KIFAP3: variants seen among roughly 807,000 people sequenced by gnomAD.
KIFAP3 encodes the protein kinesin-associated protein 3.
In KIFAP3, 68 loss-of-function variants were observed where a neutral mutation model predicts 106.5. The observed-to-expected ratio is 0.64, with a 90% confidence interval of 0.53 to 0.78. The LOEUF (loss-of-function observed/expected upper bound fraction) is 0.78. Ranked by LOEUF, KIFAP3 falls within the 30% of genes least tolerant of loss-of-function variation. The probability of loss-of-function intolerance (pLI) is 0.00; values close to 1 mark genes in which losing one functional copy is unlikely to be tolerated. For synonymous variants in KIFAP3, 320 were observed against 311.5 expected (o/e 1.03, Z -0.29); for missense variants, 780 against 941.8 (o/e 0.83, Z 2.25).
intron 2 of KIFAP3, among the ~76,000 whole-genome samples, chr1:170,049,772 C>T (rs953588110): frequency 6.6e-6 from 1 of 151,788 alleles, no homozygotes; most frequent in South Asian, 2.1e-4. Flanking sequence ...AAAACTAACA[C>T]ACAGAGAGCA....
upstream of KIFAP3, among the ~76,000 whole-genome samples, chr1:170,076,959 G>A (rs1012487308): frequency 1.3e-5 from 2 of 152,208 alleles, no homozygotes; most frequent in African/African-American, 4.8e-5. Context: ...CTTCTGGGTC[G>A]GGTGGGGACT....
In KIFAP3 at chr1:170,079,751, C is replaced by T. The variant is rs188486285; in HGVS notation, n.174+5284G>A. 2.2e-3 allele frequency among the ~76,000 whole-genome samples: 336 copies of T among 150,294 alleles called. 2 individuals carry two copies. The highest frequency in any genetic ancestry group is 7.8e-3 in the African/African-American group (318 of 40,990). ...AAGATCATTTTGGCTTTTTGGAGTT[C>T]TTTGTGGTTCCATATGGACTTCAGG... On this transcript the variant is annotated intron_variant and non_coding_transcript_variant, in intron 1 of 5. Transcript: ENST00000490550.
rs970309599 is a variant in KIFAP3 at position 169,963,597 on chromosome 1, G to C, written c.1984-2362C>G. Among the ~76,000 whole-genome samples, 10 of 151,994 alleles carry C rather than the reference G, an allele frequency of 6.6e-5. No individual in the cohort carries two copies. In the East Asian group the frequency reaches 1.7e-3, roughly 27 times the overall value. ...AACCTCTGCCTCCTGGGTTAAAGTG[G>C]TTCTTGTGCCTCAGCCTCCAGAATA... On this transcript the variant is annotated intron_variant, in intron 17 of 19. Transcript: ENST00000361580.
chr1:169,991,481 C>A (rs543869164), intron 11 of KIFAP3, among the ~76,000 whole-genome samples: 9 of 151,898 alleles, frequency 5.9e-5, no homozygotes, highest in Admixed American at 5.3e-4. Flanking sequence ...AAAGAAATAA[C>A]GAACCACTGC....
At position 169,945,595 on chromosome 1, in the gene KIFAP3, T is replaced by C. The variant is rs1262806219; in HGVS notation, c.2273+8416A>G. 3.9e-5 allele frequency among the ~76,000 whole-genome samples: 6 copies of C among 152,344 alleles called. No homozygotes were observed. In the South Asian group the frequency reaches 1.2e-3, roughly 32 times the overall value. ...TTTTATTTGGGAGCATCTTTGGGCT[T>C]TCTATACAGCTAATGTGCATGCCTT... is the stretch of plus-strand genomic sequence containing the variant. On this transcript the variant is annotated intron_variant, in intron 19 of 19. Coordinates refer to ENST00000361580, the MANE Select transcript of KIFAP3 (RefSeq NM_014970.4).
chr1:170,059,406 C>T (rs988995894), intron 1 of KIFAP3, among the ~76,000 whole-genome samples: 1 of 152,164 alleles, frequency 6.6e-6, no homozygotes, highest in Non-Finnish European at 1.5e-5. Flanking sequence ...ACTAGAAAAT[C>T]TAGAAGAAAT....
intron 12 of KIFAP3, 21 bp downstream of exon 12, chr1:169,984,561 C>A: frequency 7.9e-7 from 1 of 1,264,378 alleles, no homozygotes; most frequent in Non-Finnish European, 1.1e-6. Flanking sequence ...AAAAAAGTTA[C>A]CTACACTCAA....
intron 19 of KIFAP3, among the ~76,000 whole-genome samples, chr1:169,947,686 A>T (rs1446546137): frequency 6.6e-6 from 1 of 151,888 alleles, no homozygotes; most frequent in African/African-American, 2.4e-5. Flanking sequence ...TTGAGCAAAT[A>T]TTCTTAACCA....
intron 8 of KIFAP3, among the ~76,000 whole-genome samples, chr1:170,031,311 A>G (rs145650004): frequency 4.7e-4 from 72 of 151,834 alleles, no homozygotes; most frequent in Middle Eastern, 6.8e-3. Flanking sequence ...TCCATGTACA[A>G]AGTTAGTCAA....
intron 1 of KIFAP3, among the ~76,000 whole-genome samples, chr1:170,066,966 T>C (rs1671476478): frequency 6.6e-6 from 1 of 152,170 alleles, no homozygotes; most frequent in South Asian, 2.1e-4. Flanking sequence ...TATATTCCTA[T>C]ATATGATACT....
intron 1 of KIFAP3, among the ~76,000 whole-genome samples, chr1:170,056,949 T>G (rs1366180462): frequency 6.6e-6 from 1 of 152,060 alleles, no homozygotes; most frequent in African/African-American, 2.4e-5. Context: ...ATGGTACAGA[T>G]TCCAAAAGGT....
intron 1 of KIFAP3, among the ~76,000 whole-genome samples, chr1:170,059,024 G>A (rs1670995993): frequency 6.6e-6 from 1 of 152,174 alleles, no homozygotes; most frequent in South Asian, 2.1e-4. Flanking sequence ...AAAGCAGCAT[G>A]TAGAGGGAAA....
chr1:170,037,664 G>T (rs1306160926), intron 5 of KIFAP3, among the ~76,000 whole-genome samples: 1 of 152,160 alleles, frequency 6.6e-6, no homozygotes, highest in Admixed American at 6.5e-5. Flanking sequence ...ATGAACCCGG[G>T]AGGCGGAGGT....
At chr1:170,076,545 CAG>C (rs1234859854), upstream of KIFAP3, among the ~76,000 whole-genome samples, 2 of 151,884 alleles carry the variant, frequency 1.3e-5, no homozygotes, top group Non-Finnish European at 2.9e-5. Flanking sequence ...CATAGAAAAA[CAG>C]GGAAAAAAGA....
intron 18 of KIFAP3, among the ~76,000 whole-genome samples, chr1:169,956,610 CTTTTTTTTTTT>C (rs1163823729): frequency 2.6e-5 from 3 of 117,448 alleles, no homozygotes; most frequent in African/African-American, 9.8e-5. Context: ...CACTGAAGTT[CTTTTTTTTTTT>C]TTTTTTTTTT....
At chr1:170,036,555 A>C (rs767687077) in intron 5 of KIFAP3, among the ~76,000 whole-genome samples, 8 of 152,146 alleles carry the variant, frequency 5.3e-5, no homozygotes, top group Non-Finnish European at 1.0e-4. Context: ...GGAGTCACAT[A>C]AATAGGTTGA....
rs142103960 is a variant in KIFAP3, at chr1:170,029,755, C to G, written c.841+2131G>C. Reference sequence around the variant, plus strand: ...TCCATAAGCTATGGTAATGAAGACACTGTGCTATTGGCATCAAAAACACAC... The same window carrying G: ...TCCATAAGCTATGGTAATGAAGACAGTGTGCTATTGGCATCAAAAACACAC... On this transcript the variant is annotated intron_variant, in intron 8 of 19. Coordinates refer to ENST00000361580, the MANE Select transcript of KIFAP3 (RefSeq NM_014970.4). 5.0e-3 allele frequency among the ~76,000 whole-genome samples: 759 copies of G among 152,050 alleles called. 3 individuals carry two copies. Among genetic ancestry groups the G allele is most frequent in the African/African-American group, 0.017 (715 of 41,534 alleles).
intron 19 of KIFAP3, among the ~76,000 whole-genome samples, chr1:169,938,856 C>A (rs488488): frequency 0.97 from 148,121 of 152,324 alleles, 72,042 homozygotes; most frequent in East Asian, 1. Flanking sequence ...AAGACTATTC[C>A]AGTTAAGCAC....
At chr1:170,021,434 G>GTTTT (rs746455008) in intron 9 of KIFAP3, among the ~76,000 whole-genome samples, 16 of 113,766 alleles carry the variant, frequency 1.4e-4, no homozygotes, top group Admixed American at 1.8e-4. Context: ...TTGTTATTAA[G>GTTTT]TTTTTTTTTT....
Sources: allele counts gnomAD v4.1 joint callset (sites outside exome capture counted in the v4.1 genomes callset), GRCh38; gene constraint gnomAD v4.1.1; transcripts MANE v1.5; gene names NCBI Gene and HGNC (gene_info 2026-07-23, HGNC 2026-07-21).